CDH18: variants seen among roughly 807,000 people sequenced by gnomAD.
CDH18 encodes the protein cadherin-18.
Under a neutral mutation model 67.9 loss-of-function variants are expected in CDH18, and 31 were observed. That is an observed-to-expected ratio of 0.46 (90% CI 0.34 to 0.62). The LOEUF is 0.62. Among genes scored for constraint, CDH18 ranks in the 20% least tolerant of loss-of-function variants. The pLI is 0.01. For synonymous variants in CDH18, 362 were observed against 347.2 expected (o/e 1.04, Z -0.48); for missense variants, 890 against 975.5 (o/e 0.91, Z 1.17).
chr5:20,459,713 A>T (rs957424956), intron 1 of CDH18, among the ~76,000 whole-genome samples: 1 of 152,206 alleles, frequency 6.6e-6, no homozygotes, highest in Non-Finnish European at 1.5e-5. Flanking sequence ...TGACTGAGCT[A>T]GTCCGACAGA....
chr5:19,788,741 C>T (rs1219618443), intron 3 of CDH18, among the ~76,000 whole-genome samples: 1 of 152,104 alleles, frequency 6.6e-6, no homozygotes, highest in Non-Finnish European at 1.5e-5. Context: ...AAGGATTATG[C>T]CCTCCTTTAC....
intron 2 of CDH18, among the ~76,000 whole-genome samples, chr5:19,949,068 G>T (rs1795541266): frequency 6.6e-6 from 1 of 152,072 alleles, no homozygotes; most frequent in South Asian, 2.1e-4. Context: ...ATAAAAGTAA[G>T]CACAGCTACA....
intron 3 of CDH18, among the ~76,000 whole-genome samples, chr5:19,775,324 C>T (rs1347455397): frequency 2.0e-5 from 3 of 152,106 alleles, no homozygotes; most frequent in African/African-American, 7.2e-5. Context: ...TAAAGAAATA[C>T]CTGAGACGGG....
intron 1 of CDH18, among the ~76,000 whole-genome samples, chr5:20,536,899 C>T (rs988780790): frequency 2.0e-5 from 3 of 152,090 alleles, no homozygotes; most frequent in Non-Finnish European, 2.9e-5. Flanking sequence ...AAAAACAGCC[C>T]ATTGGAGCCT....
chr5:20,248,065 C>A (rs1580577921), intron 2 of CDH18, among the ~76,000 whole-genome samples: 1 of 152,102 alleles, frequency 6.6e-6, no homozygotes, highest in African/African-American at 2.4e-5. Flanking sequence ...TAAACACACA[C>A]TAGTTTTCCA....
chr5:19,968,538 A>G (rs1579863863), intron 2 of CDH18, among the ~76,000 whole-genome samples: 1 of 151,606 alleles, frequency 6.6e-6, no homozygotes, highest in Non-Finnish European at 1.5e-5. Flanking sequence ...AAATAACGCC[A>G]CATATCTACA....
chr5:20,305,326 GCTTT>G (rs1736324545), intron 1 of CDH18: 3 of 1,573,000 alleles, frequency 1.9e-6, no homozygotes, highest in Admixed American at 3.3e-5. Flanking sequence ...TCTGCGCTTT[GCTTT>G]CTTTATGGCT....
chr5:20,149,083 G>C (rs550036503), intron 2 of CDH18, among the ~76,000 whole-genome samples: 2 of 152,214 alleles, frequency 1.3e-5, no homozygotes, highest in Non-Finnish European at 2.9e-5. Context: ...TTCTGTATAT[G>C]ACCTCTTCTT....
At chr5:19,872,104 C>A (rs1021548625) in intron 2 of CDH18, among the ~76,000 whole-genome samples, 1 of 152,038 alleles carries the variant, frequency 6.6e-6, no homozygotes, top group Admixed American at 6.6e-5. Flanking sequence ...TAATCCTATA[C>A]CATAATGTGT....
rs1435187891 is a variant in CDH18 at position 19,721,416 on chromosome 5, C to T, written c.574G>A (p.Gly192Arg). The change falls in exon 5 of 13, where the codon GGA (glycine) becomes AGA (arginine). Residue 192 changes from glycine to arginine, a missense_variant. By Grantham distance (125) the Gly-to-Arg change is moderately radical. Transcript: ENST00000382275. ...TATDADDPTY[G>R]NSARVVYSIL... ...CTGTAAACCACCCGAGCGCTGTTTC[C>T]ATAGGTAGGGTCATCTGCATCAGTA... The T allele has an allele frequency of 1.9e-6, 3 of 1,610,846 alleles. No individual in the cohort carries two copies. The highest frequency in any genetic ancestry group is 2.5e-6 in the Non-Finnish European group (3 of 1,177,580).
intron 2 of CDH18, among the ~76,000 whole-genome samples, chr5:19,908,220 T>C (rs1790740424): frequency 2.0e-5 from 3 of 152,214 alleles, no homozygotes; most frequent in Admixed American, 1.3e-4. Flanking sequence ...TGATAACTCC[T>C]TCCATGGAAA....
chr5:19,575,307 A>T (rs1014682021), intron 7 of CDH18, among the ~76,000 whole-genome samples: 2 of 152,194 alleles, frequency 1.3e-5, no homozygotes, highest in Admixed American at 6.5e-5. Flanking sequence ...TCATATTCCA[A>T]CATTCACCAT....
At position 20,424,052 on chromosome 5, in the gene CDH18, G is replaced by C. The variant is rs576581098; in HGVS notation, c.-580+151410C>G. ...AAGATGAAGTGAAGATCTTCAAAAAGTATAAATAAAATATACAATTACAGC... is the reference window on the plus strand; with the variant it reads ...AAGATGAAGTGAAGATCTTCAAAAACTATAAATAAAATATACAATTACAGC... On this transcript the variant is annotated intron_variant, in intron 1 of 14. Coordinates refer to the CDH18 transcript ENST00000507958. Among the ~76,000 whole-genome samples the C allele has an allele frequency of 2.3e-3, 335 of 146,790 alleles. 15 individuals are homozygous for C. Among genetic ancestry groups the C allele is most frequent in the African/African-American group, 8.4e-3 (322 of 38,542 alleles).
upstream of CDH18, among the ~76,000 whole-genome samples, chr5:19,990,048 T>C (rs1799893457): frequency 6.6e-6 from 1 of 152,204 alleles, no homozygotes; most frequent in Non-Finnish European, 1.5e-5. Flanking sequence ...GGATTCTCCT[T>C]GTGTAGTGTC....
intron 3 of CDH18, among the ~76,000 whole-genome samples, chr5:19,753,199 A>G (rs1771091745): frequency 6.6e-6 from 1 of 152,130 alleles, no homozygotes; most frequent in African/African-American, 2.4e-5. Flanking sequence ...TTGCCTGAAA[A>G]GGAATTCAGG....
At chr5:19,827,211 G>T (rs912841132) in intron 3 of CDH18, among the ~76,000 whole-genome samples, 15 of 151,720 alleles carry the variant, frequency 9.9e-5, no homozygotes, top group African/African-American at 3.1e-4. Context: ...CACCAAACAG[G>T]ATGTCCCAAG....
At chr5:19,863,221 G>C (rs1581694093) in intron 2 of CDH18, among the ~76,000 whole-genome samples, 1 of 152,132 alleles carries the variant, frequency 6.6e-6, no homozygotes, top group East Asian at 1.9e-4. Context: ...GAATTGGTTA[G>C]TTTAAGTATA....
chr5:20,311,274 G>A (rs750062844), intron 1 of CDH18, among the ~76,000 whole-genome samples: 39 of 151,718 alleles, frequency 2.6e-4, no homozygotes, highest in Non-Finnish European at 3.5e-4. Flanking sequence ...AATAGCATTT[G>A]ACCCAGCAAT....
At chr5:20,503,323 T>C (rs1011914221) in intron 1 of CDH18, among the ~76,000 whole-genome samples, 2 of 152,048 alleles carry the variant, frequency 1.3e-5, no homozygotes, top group Non-Finnish European at 2.9e-5. Flanking sequence ...AACCCACTAA[T>C]TGAGGCTCTT....
Sources: gnomAD v4.1 joint callset for allele counts (sites outside exome capture counted in the v4.1 genomes callset) on GRCh38, gnomAD v4.1.1 for gene constraint, MANE v1.5 for transcripts, NCBI Gene and HGNC (gene_info 2026-07-23, HGNC 2026-07-21) for gene names.